ARMCX4: variants seen among roughly 807,000 people sequenced by gnomAD.
The protein encoded by ARMCX4 is armadillo repeat-containing X-linked protein 4.
ARMCX4 carries 3 observed loss-of-function variants against 34.7 expected under a neutral mutation model. The ratio of observed to expected loss-of-function variants is 0.09; its 90% CI spans 0.04 to 0.22. The LOEUF (loss-of-function observed/expected upper bound fraction) is 0.22, where lower values mean the gene tolerates loss of function less well. Ranked by LOEUF, ARMCX4 falls within the 10% of genes least tolerant of loss-of-function variation. The probability of loss-of-function intolerance (pLI) is 1.00; values close to 1 mark genes in which losing one functional copy is unlikely to be tolerated. For missense variants in ARMCX4, 1,448 were observed against 1,720.8 expected (o/e 0.84, Z 2.81); for synonymous variants, 513 against 632.8 (o/e 0.81, Z 2.84).
chrX:101,477,630 G>A (rs892049253), intron 4 of ARMCX4, among the ~76,000 whole-genome samples: 1 of 108,199 alleles, frequency 9.2e-6, no homozygotes, highest in Non-Finnish European at 1.9e-5. Flanking sequence ...ATTTCATAAG[G>A]CTAGTATAAT....
chrX:101,450,440 A>G (rs1931916519), downstream of ARMCX4, among the ~76,000 whole-genome samples: 1 of 111,572 alleles, frequency 9.0e-6, no homozygotes, highest in Non-Finnish European at 1.9e-5. Flanking sequence ...GAGTGCTTCC[A>G]TGCCTGAGGC....
intron 2 of ARMCX4, among the ~76,000 whole-genome samples, chrX:101,435,464 C>G (rs1444644300): frequency 9.0e-6 from 1 of 111,494 alleles, no homozygotes; most frequent in South Asian, 3.7e-4. Flanking sequence ...TCATATCCTT[C>G]GCCCACTTTT....
Position 101,474,690 on chromosome X carries a change from C to G in ARMCX4, c.-472-11333C>G, listed in dbSNP as rs781900815. 3.1e-3 allele frequency among the ~76,000 whole-genome samples: 321 copies of G among 102,015 alleles called. 1 individual carries two copies. The highest frequency in any genetic ancestry group is 0.011 in the African/African-American group (307 of 27,495). The allele number at this position is 102,015 out of a possible 115,157, so 88.6% of individuals were successfully genotyped here. On this transcript the variant is annotated intron_variant and NMD_transcript_variant, in intron 4 of 15. Transcript: ENST00000433011. ...CAATAAATGTAATCCAGCATATAAA[C>G]AGAGCCAAAAACAAAAACCACATGA...
chrX:101,499,845 A>G (rs1380493042), downstream of ARMCX4, among the ~76,000 whole-genome samples: 1 of 111,876 alleles, frequency 8.9e-6, no homozygotes, highest in Admixed American at 9.5e-5. Context: ...CACTCTATAC[A>G]ATCAAAAGAA....
intron 2 of ARMCX4, among the ~76,000 whole-genome samples, chrX:101,439,792 GTCATGTAGTTC>G (rs1931119541): frequency 9.2e-6 from 1 of 108,305 alleles, no homozygotes; most frequent in Non-Finnish European, 1.9e-5. Flanking sequence ...TTGTGCATTC[GTCATGTAGTTC>G]TCATGCCTTG....
intron 2 of ARMCX4, among the ~76,000 whole-genome samples, chrX:101,423,619 A>AAAAAAT (rs1331676302): frequency 2.7e-5 from 3 of 109,687 alleles, no homozygotes; most frequent in East Asian, 3.0e-4. Context: ...CTCCGTCTCA[A>AAAAAAT]AAAAATAAAA....
In ARMCX4 at chrX:101,495,686, G is replaced by T; in HGVS notation, c.*224G>T. ...ATATTTTTAGTATGCTTCATGAGCA[G>T]AAACTGAATGGATTCTTCATAAGTA... On this transcript the variant is annotated 3_prime_UTR_variant, in exon 6 of 6. Transcript: ENST00000423738. 1 of 307,186 alleles carries T rather than the reference G, an allele frequency of 3.3e-6. No individual in the cohort carries two copies. The highest frequency in any genetic ancestry group is 5.6e-6 in the Non-Finnish European group (1 of 178,311). The allele number at this position is 307,186 out of a possible 1,213,427, so 25.3% of individuals were successfully genotyped here. A position where few individuals can be genotyped will look rare whatever the true frequency, so the allele number is the denominator to read the frequency against.
intron 2 of ARMCX4, among the ~76,000 whole-genome samples, chrX:101,440,582 C>T (rs188244820): frequency 7.2e-5 from 8 of 111,862 alleles, no homozygotes; most frequent in Non-Finnish European, 1.3e-4. Context: ...GTGGAATCTA[C>T]AGAGGCAGGC....
At chrX:101,510,215 G>T (rs1203936477) in intron 10 of ARMCX4, among the ~76,000 whole-genome samples, 1 of 111,901 alleles carries the variant, frequency 8.9e-6, no homozygotes, top group African/African-American at 3.2e-5. Context: ...CACACTTGCT[G>T]TCCTGCACTT....
Position 101,520,742 on chromosome X carries a change from G to A in ARMCX4, c.*1780+9687G>A, listed in dbSNP as rs1179901642. On this transcript the variant is annotated intron_variant and NMD_transcript_variant, in intron 11 of 12. Coordinates refer to the ARMCX4 transcript ENST00000354842. ...CCTGTGACGCCTTTATCTGATTTTG[G>A]TATCTGGGTAATACTGGCCTTACAG... Among the ~76,000 whole-genome samples the A allele has an allele frequency of 3.7e-4, 41 of 110,435 alleles. No homozygotes were observed. The Admixed American group carries it at 4.0e-3, about 11-fold the overall frequency.
chrX:101,512,890 AAG>A (rs1262070069), intron 11 of ARMCX4, among the ~76,000 whole-genome samples: 5 of 104,068 alleles, frequency 4.8e-5, no homozygotes, highest in African/African-American at 3.5e-5. Context: ...AGAGAGAGAG[AAG>A]AGAGAGAGAG....
chrX:101,511,576 A>G (rs1302904454), intron 11 of ARMCX4, among the ~76,000 whole-genome samples: 2 of 111,341 alleles, frequency 1.8e-5, no homozygotes, highest in African/African-American at 3.3e-5. Context: ...GAGCCCCTCC[A>G]TAGGGTTAGG....
Position 101,492,605 on chromosome X carries a change from G to T in ARMCX4, c.4016G>T (p.Gly1339Val). The change falls in exon 6 of 6, where the codon GGG becomes GTG. Residue 1339 changes from glycine to valine, a missense_variant. Coordinates refer to ENST00000423738, the MANE Select transcript of ARMCX4 (RefSeq NM_001256155.3). ...GGGGCTGGTGGCCAGGCTAGTGGAG[G>T]GTCAATGTTGGGGCCTGAGGACCAG... ...WAGAGGQASG[G>V]SMLGPEDQSS... The T allele has an allele frequency of 1.8e-6, 2 of 1,128,054 alleles. No individual in the cohort carries two copies. Among genetic ancestry groups the T allele is most frequent in the Non-Finnish European group, 2.3e-6 (2 of 858,645 alleles). The allele number at this position is 1,128,054 out of a possible 1,213,427, so 93.0% of individuals were successfully genotyped here. A position where few individuals can be genotyped will look rare whatever the true frequency, so the allele number is the denominator to read the frequency against.
At chrX:101,426,961 A>G (rs782795635) in intron 2 of ARMCX4, among the ~76,000 whole-genome samples, 8 of 112,354 alleles carry the variant, frequency 7.1e-5, no homozygotes, top group African/African-American at 2.6e-4. Flanking sequence ...CTGTCCAGTG[A>G]CTTTTCCAGA....
chrX:101,535,108 G>A (rs1935197761), downstream of ARMCX4, among the ~76,000 whole-genome samples: 1 of 111,111 alleles, frequency 9.0e-6, no homozygotes, highest in Admixed American at 9.6e-5. Context: ...ACTACTGAGA[G>A]GTTTTCTTGG....
downstream of ARMCX4, among the ~76,000 whole-genome samples, chrX:101,447,335 C>A (rs1397369792): frequency 4.4e-5 from 5 of 112,382 alleles, no homozygotes; most frequent in Non-Finnish European, 9.4e-5. Flanking sequence ...CCACAGTCCC[C>A]TTAATTTTAC....
At chrX:101,485,568 G>A in intron 1 of ARMCX4, 38 bp downstream of exon 1, 1 of 261,175 alleles carries the variant, frequency 3.8e-6, no homozygotes, top group Non-Finnish European at 5.3e-6. Flanking sequence ...GGCCAGGCCG[G>A]CAGAAGCTCA....
intron 5 of ARMCX4, 88 bp from the exon 6 acceptor site, chrX:101,488,356 A>G (rs1933842204): frequency 1.1e-6 from 1 of 875,005 alleles, no homozygotes. Flanking sequence ...ACATGGTTCT[A>G]CCATTTTCTG....
chrX:101,423,436 C>G (rs1253015878), intron 2 of ARMCX4, among the ~76,000 whole-genome samples: 1 of 105,533 alleles, frequency 9.5e-6, no homozygotes, highest in African/African-American at 3.4e-5. Context: ...TGACCAACAT[C>G]GTGAAACCCC....
Sources: gnomAD v4.1 joint callset for allele counts (sites outside exome capture counted in the v4.1 genomes callset) on GRCh38, gnomAD v4.1.1 for gene constraint, MANE v1.5 for transcripts, NCBI Gene and HGNC (gene_info 2026-07-23, HGNC 2026-07-21) for gene names.